MYO5B: variants seen among roughly 807,000 people sequenced by gnomAD.
MYO5B encodes the protein unconventional myosin-Vb.
MYO5B carries 143 observed loss-of-function variants against 229.3 expected under a neutral mutation model. The ratio of observed to expected loss-of-function variants is 0.62; its 90% CI spans 0.54 to 0.72. The LOEUF (loss-of-function observed/expected upper bound fraction) is 0.72. Ranked by LOEUF, MYO5B falls within the 30% of genes least tolerant of loss-of-function variation. The pLI is 0.00. For synonymous variants in MYO5B, 918 were observed against 885.2 expected, an observed-to-expected ratio of 1.04 and a Z score of -0.66; for missense variants, 2,321 against 2,331.0, an observed-to-expected ratio of 1.00 and a Z score of 0.09.
At chr18:49,832,230 A>C (rs1295824046) in intron 39 of MYO5B, among the ~76,000 whole-genome samples, 1 of 152,238 alleles carries the variant, frequency 6.6e-6, no homozygotes, top group Non-Finnish European at 1.5e-5. Flanking sequence ...GGGATGGAGA[A>C]GAGTACCCTT....
At chr18:50,158,030 G>C (rs1829037988) in intron 1 of MYO5B, among the ~76,000 whole-genome samples, 1 of 152,160 alleles carries the variant, frequency 6.6e-6, no homozygotes, top group Non-Finnish European at 1.5e-5. Context: ...ATTTTTTATG[G>C]GTGGAAGCAG....
At chr18:49,974,124 T>A (rs2025719093) in intron 10 of MYO5B, among the ~76,000 whole-genome samples, 1 of 152,182 alleles carries the variant, frequency 6.6e-6, no homozygotes, top group South Asian at 2.1e-4. Flanking sequence ...TTTTGACAGG[T>A]CCATTCTTGC....
chr18:49,994,135 C>T (rs2025961751), intron 5 of MYO5B, among the ~76,000 whole-genome samples: 1 of 152,168 alleles, frequency 6.6e-6, no homozygotes, highest in Admixed American at 6.5e-5. Context: ...CAAGCCTTCC[C>T]TGATCCCGAG....
intron 26 of MYO5B, among the ~76,000 whole-genome samples, chr18:49,873,270 T>C (rs1026042776): frequency 1.3e-5 from 2 of 152,242 alleles, no homozygotes; most frequent in Admixed American, 1.3e-4. Context: ...CTTGGAGTAA[T>C]TTCAAGTAGT....
intron 1 of MYO5B, among the ~76,000 whole-genome samples, chr18:50,174,178 T>C (rs1298761272): frequency 6.6e-6 from 1 of 152,168 alleles, no homozygotes; most frequent in Non-Finnish European, 1.5e-5. Context: ...CAGTACCAAA[T>C]CTGTATTAGT....
At chr18:50,073,190 C>T (rs890616568) in intron 1 of MYO5B, among the ~76,000 whole-genome samples, 5 of 152,194 alleles carry the variant, frequency 3.3e-5, no homozygotes, top group Non-Finnish European at 7.3e-5. Context: ...GTACCTACTA[C>T]TGAAGCTGGG....
At chr18:50,115,620 T>C (rs1253650761) in intron 1 of MYO5B, among the ~76,000 whole-genome samples, 2 of 151,484 alleles carry the variant, frequency 1.3e-5, no homozygotes, top group Non-Finnish European at 2.9e-5. Context: ...AGTTTACTAG[T>C]AAAGCTGATC....
chr18:49,877,568 T>C (rs868523407), intron 25 of MYO5B, among the ~76,000 whole-genome samples, 195 bp downstream of exon 25: 2 of 152,360 alleles, frequency 1.3e-5, no homozygotes, highest in South Asian at 2.1e-4. Flanking sequence ...TGTATTGCTT[T>C]ACACAGTAAG....
intron 1 of MYO5B, among the ~76,000 whole-genome samples, chr18:50,082,986 T>C (rs558759935): frequency 6.6e-6 from 1 of 152,318 alleles, no homozygotes; most frequent in Non-Finnish European, 1.5e-5. Context: ...CACAAGATCA[T>C]ACCCACTGCC....
chr18:49,854,868 C>A (rs1352360425), intron 30 of MYO5B, among the ~76,000 whole-genome samples: 2 of 152,138 alleles, frequency 1.3e-5, no homozygotes, highest in East Asian at 3.9e-4. Flanking sequence ...ATATAAGCAA[C>A]CACATTTTAT....
intron 25 of MYO5B, among the ~76,000 whole-genome samples, chr18:49,876,995 G>A (rs1482549181): frequency 6.6e-6 from 1 of 152,126 alleles, no homozygotes; most frequent in Non-Finnish European, 1.5e-5. Flanking sequence ...GGACTTCTCC[G>A]GCTCAGTCAC....
intron 22 of MYO5B, among the ~76,000 whole-genome samples, chr18:49,892,812 T>C (rs946233770): frequency 6.6e-6 from 1 of 152,132 alleles, no homozygotes; most frequent in East Asian, 1.9e-4. Flanking sequence ...ACTTCATGAG[T>C]CATCTCCTGT....
intron 1 of MYO5B, among the ~76,000 whole-genome samples, chr18:50,082,195 T>A (rs1390712187): frequency 1.3e-5 from 2 of 152,120 alleles, no homozygotes; most frequent in Non-Finnish European, 2.9e-5. Context: ...GGGTTAAATA[T>A]AACAGGAGGC....
chr18:50,031,070 C>T (rs1292584463), intron 4 of MYO5B, among the ~76,000 whole-genome samples: 1 of 152,126 alleles, frequency 6.6e-6, no homozygotes, highest in Non-Finnish European at 1.5e-5. Context: ...GGACCAGAAT[C>T]TGCTCTGTTC....
intron 2 of MYO5B, among the ~76,000 whole-genome samples, chr18:50,042,695 C>A (rs56324224): frequency 6.6e-6 from 1 of 152,114 alleles, no homozygotes; most frequent in Non-Finnish European, 1.5e-5. Context: ...TCTAATCAGA[C>A]CTCCCTCCCC....
chr18:50,087,334 G>A (rs1382880209), intron 1 of MYO5B, among the ~76,000 whole-genome samples: 1 of 152,186 alleles, frequency 6.6e-6, no homozygotes, highest in African/African-American at 2.4e-5. Context: ...CATTTTGGGA[G>A]GCCGAGGCGG....
rs567348603 is a variant in MYO5B at position 49,933,663 on chromosome 18, A to G, written c.2003+2589T>C. ...TGGGTAGAGGCCAAGGATGCTTCTC[A>G]ACATCCTATGATGCACAGGACAGCA... On this transcript the variant is annotated intron_variant, in intron 16 of 39. Coordinates refer to ENST00000285039, the MANE Select transcript of MYO5B (RefSeq NM_001080467.3). Among the ~76,000 whole-genome samples the G allele has an allele frequency of 2.6e-5, 4 of 152,288 alleles. No individual in the cohort carries two copies. In the South Asian group the frequency reaches 8.3e-4, roughly 32 times the overall value.
At chr18:50,071,948 A>C (rs2030966328) in intron 1 of MYO5B, among the ~76,000 whole-genome samples, 1 of 152,206 alleles carries the variant, frequency 6.6e-6, no homozygotes, top group South Asian at 2.1e-4. Flanking sequence ...TGACTTCTAC[A>C]ATGTGCTGCA....
intron 1 of MYO5B, among the ~76,000 whole-genome samples, chr18:50,131,975 GT>G (rs1304234017): frequency 6.6e-6 from 1 of 152,180 alleles, no homozygotes; most frequent in African/African-American, 2.4e-5. Flanking sequence ...TGTACCTGCA[GT>G]TTTCCCCCAT....
Sources: allele counts gnomAD v4.1 joint callset (sites outside exome capture counted in the v4.1 genomes callset), GRCh38; gene constraint gnomAD v4.1.1; transcripts MANE v1.5; gene names NCBI Gene and HGNC (gene_info 2026-07-23, HGNC 2026-07-21).